Variants in CEP112 observed in about 807,000 individuals in gnomAD.
The protein encoded by CEP112 is centrosomal protein of 112 kDa.
In CEP112, 127 loss-of-function variants were observed where a neutral mutation model predicts 153.0. The observed-to-expected ratio is 0.83, with a 90% confidence interval of 0.72 to 0.96. CEP112 has a LOEUF of 0.96. CEP112 is among the 40% of genes least tolerant of loss of function. The pLI, the probability that CEP112 is intolerant of heterozygous loss-of-function variation, is 0.00. For missense variants in CEP112, 1,089 were observed against 1,101.2 expected, an observed-to-expected ratio of 0.99 and a Z score of 0.16; for synonymous variants, 358 against 374.4, an observed-to-expected ratio of 0.96 and a Z score of 0.51.
intron 21 of CEP112, among the ~76,000 whole-genome samples, chr17:65,752,014 TCATCCATCCATCCATCCATCCATCCATC>T (rs150841318): frequency 1.2e-5 from 1 of 81,008 alleles, no homozygotes; most frequent in East Asian, 7.0e-4. Flanking sequence ...ACTGTTCCTT[TCATCCATCCATCCATCCATCCATCCATC>T]CATCCATCCA....
intron 9 of CEP112, among the ~76,000 whole-genome samples, chr17:66,067,472 T>C (rs547964581): frequency 1.3e-5 from 2 of 152,314 alleles, no homozygotes; most frequent in East Asian, 1.9e-4. Context: ...ATATCTACTG[T>C]TGTTTATCTG....
At chr17:65,637,002 G>A in intron 26 of CEP112, 122 bp downstream of exon 26, 1 of 742,242 alleles carries the variant, frequency 1.3e-6, no homozygotes, top group Non-Finnish European at 2.3e-6. Context: ...CTAAAAACAA[G>A]TCTTTTTCAA....
intron 17 of CEP112, among the ~76,000 whole-genome samples, chr17:65,967,341 A>G (rs56175806): frequency 0.48 from 73,038 of 152,034 alleles, 18,538 homozygotes; most frequent in East Asian, 0.89. Context: ...GATTTGAATC[A>G]TAATTCAAAA....
chr17:66,029,079 T>A (rs1185208496), intron 14 of CEP112, 44 bp downstream of exon 14: 2 of 1,466,448 alleles, frequency 1.4e-6, no homozygotes, highest in Non-Finnish European at 9.3e-7. Context: ...CTAGGCTTAG[T>A]GAATAAATAC....
At chr17:65,649,073 A>ACACACAC (rs2045597016) in intron 24 of CEP112, among the ~76,000 whole-genome samples, 9 of 139,864 alleles carry the variant, frequency 6.4e-5, no homozygotes, top group East Asian at 2.1e-4. Flanking sequence ...CAAACAAACA[A>ACACACAC]ACACACACAC....
intron 23 of CEP112, among the ~76,000 whole-genome samples, chr17:65,734,339 T>C (rs1264325776): frequency 6.6e-6 from 1 of 152,170 alleles, no homozygotes; most frequent in Admixed American, 6.6e-5. Flanking sequence ...TGAGGGAGAC[T>C]GGAGGGTGAT....
chr17:65,769,794 C>T (rs1371514257), intron 21 of CEP112, among the ~76,000 whole-genome samples: 1 of 152,006 alleles, frequency 6.6e-6, no homozygotes, highest in Non-Finnish European at 1.5e-5. Flanking sequence ...CAGCAGTTTT[C>T]CCTGTGAGTT....
At position 65,641,026 on chromosome 17, in the gene CEP112, C is replaced by T. The variant is rs201801809; in HGVS notation, c.2737G>A (p.Gly913Arg). ...IRQEYETKLKGLMPASLRQEL... is the reference protein window; with the variant it reads ...IRQEYETKLKRLMPASLRQEL... ...TGTCTTAGGGATGCTGGCATCAATC[C>T]TTTCAATTTTGTTTCATATTCTTGT... Residue 913 changes from glycine to arginine, a missense_variant, in exon 25 of 27, where the codon GGA becomes AGA. Coordinates refer to ENST00000535342, the MANE Select transcript of CEP112 (RefSeq NM_001199165.4). 4 of 1,611,398 alleles carry T rather than the reference C, an allele frequency of 2.5e-6. No homozygotes were observed. The South Asian group carries it at 3.3e-5, about 13-fold the overall frequency.
intron 12 of CEP112, among the ~76,000 whole-genome samples, chr17:66,036,010 C>T (rs1164557217): frequency 3.3e-5 from 5 of 152,172 alleles, no homozygotes; most frequent in African/African-American, 1.2e-4. Context: ...GTGGTATATA[C>T]ATGCAATGGA....
chr17:65,649,838 A>C (rs1176368795), intron 24 of CEP112, among the ~76,000 whole-genome samples: 1 of 152,158 alleles, frequency 6.6e-6, no homozygotes. Context: ...TTATCTCCTT[A>C]ATCTCTTTCC....
intron 4 of CEP112, among the ~76,000 whole-genome samples, chr17:66,169,258 T>C (rs1334072155): frequency 6.6e-6 from 1 of 151,540 alleles, no homozygotes; most frequent in Non-Finnish European, 1.5e-5. Flanking sequence ...AGTATGTACA[T>C]TATGAGCCAA....
chr17:65,927,560 A>C, intron 19 of CEP112, 22 bp downstream of exon 19: 1 of 1,308,488 alleles, frequency 7.6e-7, no homozygotes, highest in Non-Finnish European at 1.1e-6. Flanking sequence ...ATTTAATGGC[A>C]GCATCAAAAT....
At chr17:66,185,147 T>C (rs888334657) in intron 1 of CEP112, among the ~76,000 whole-genome samples, 1 of 141,974 alleles carries the variant, frequency 7.0e-6, no homozygotes, top group Non-Finnish European at 1.6e-5. Flanking sequence ...CTGTACACTA[T>C]CTATGTAGGA....
chr17:65,669,758 C>G (rs1271909851), intron 24 of CEP112, among the ~76,000 whole-genome samples: 1 of 152,080 alleles, frequency 6.6e-6, no homozygotes, highest in Non-Finnish European at 1.5e-5. Context: ...AAAAAATTAT[C>G]CAGGCATGGT....
intron 12 of CEP112, among the ~76,000 whole-genome samples, chr17:66,035,008 ATTTTTT>A (rs1218978308): frequency 1.4e-5 from 1 of 72,338 alleles, no homozygotes; most frequent in Non-Finnish European, 2.7e-5. Context: ...ATATATATAT[ATTTTTT>A]TTTTTAGTAG....
intron 23 of CEP112, among the ~76,000 whole-genome samples, chr17:65,731,043 TG>T (rs1011684190): frequency 6.6e-6 from 1 of 152,116 alleles, no homozygotes. Context: ...GCCAGAAGAA[TG>T]TTCCACAGTC....
chr17:65,816,603 T>G (rs1234681130), intron 21 of CEP112, among the ~76,000 whole-genome samples: 1 of 151,978 alleles, frequency 6.6e-6, no homozygotes, highest in East Asian at 1.9e-4. Flanking sequence ...ATTACATTGA[T>G]TTTTTAAAAA....
At chr17:65,799,565 G>A (rs1474314872) in intron 21 of CEP112, among the ~76,000 whole-genome samples, 2 of 152,178 alleles carry the variant, frequency 1.3e-5, no homozygotes. Context: ...GCACTGTGGA[G>A]AATGATCCAG....
intron 4 of CEP112, among the ~76,000 whole-genome samples, chr17:66,156,956 A>G (rs997552874): frequency 2.0e-5 from 3 of 152,228 alleles, no homozygotes; most frequent in Non-Finnish European, 4.4e-5. Context: ...AACACTCTTC[A>G]GGATATTATC....
Sources: gnomAD v4.1 joint callset for allele counts (sites outside exome capture counted in the v4.1 genomes callset) on GRCh38, gnomAD v4.1.1 for gene constraint, MANE v1.5 for transcripts, NCBI Gene and HGNC (gene_info 2026-07-23, HGNC 2026-07-21) for gene names.